Variants in DAB2IP observed in about 807,000 individuals in gnomAD.
DAB2IP encodes disabled homolog 2-interacting protein.
In DAB2IP, 28 loss-of-function variants were observed where a neutral mutation model predicts 107.2. That is an observed-to-expected ratio of 0.26 (90% CI 0.19 to 0.36). The LOEUF (loss-of-function observed/expected upper bound fraction) is 0.36. Among genes scored for constraint, DAB2IP ranks in the 10% least tolerant of loss-of-function variants. The probability of loss-of-function intolerance (pLI) is 1.00; values close to 1 mark genes in which losing one functional copy is unlikely to be tolerated. For synonymous variants in DAB2IP, 755 were observed against 706.4 expected, an observed-to-expected ratio of 1.07 and a Z score of -1.09; for missense variants, 1,400 against 1,644.7, an observed-to-expected ratio of 0.85 and a Z score of 2.57.
chr9:121,782,217 G>T lies in DAB2IP; in HGVS notation c.3403-114G>T, dbSNP rs1018123293. 4.0e-6 allele frequency: 6 copies of T among 1,497,252 alleles called. No individual in the cohort carries two copies. In the Admixed American group the frequency reaches 1.2e-4, roughly 31 times the overall value. The allele number at this position is 1,497,252 out of a possible 1,614,324, so 92.7% of individuals were successfully genotyped here. A position where few individuals can be genotyped will look rare whatever the true frequency, so the allele number is the denominator to read the frequency against. ...TCTTGCCAGCTGCTCACAGCCCGGA[G>T]CCTGCCTGCCACCCTCATCTCCAGG... On this transcript the variant is annotated intron_variant, in intron 15 of 15. Coordinates refer to ENST00000408936, the Ensembl canonical transcript of DAB2IP. This position sits in a 1 kb window ranked among gnomAD's most constrained non-coding sequence, Gnocchi z 6.1.
At chr9:121,700,571 G>C (rs146037777) in intron 3 of DAB2IP, among the ~76,000 whole-genome samples, 2 of 152,330 alleles carry the variant, frequency 1.3e-5, no homozygotes, top group East Asian at 3.9e-4. Flanking sequence ...CTGTAGGGGA[G>C]GCGTAGGTAG....
At chr9:121,661,784 A>G (rs1833217432) in intron 1 of DAB2IP, among the ~76,000 whole-genome samples, 1 of 152,318 alleles carries the variant, frequency 6.6e-6, no homozygotes, top group South Asian at 2.1e-4. Flanking sequence ...GAAGCTTGAG[A>G]CCAGCCTGGG....
intron 1 of DAB2IP, among the ~76,000 whole-genome samples, chr9:121,571,379 G>A (rs1040226552): frequency 1.3e-5 from 2 of 152,134 alleles, no homozygotes; most frequent in Non-Finnish European, 2.9e-5. Context: ...AATGCAGTTG[G>A]TGCAGGCAAA....
intron 1 of DAB2IP, among the ~76,000 whole-genome samples, chr9:121,603,934 CAG>C (rs1279872335): frequency 2.6e-5 from 4 of 152,126 alleles, no homozygotes; most frequent in African/African-American, 7.2e-5. Context: ...TGAAAGGGGC[CAG>C]AAAGGCTCTT....
intron 3 of DAB2IP, among the ~76,000 whole-genome samples, chr9:121,744,717 G>T (rs1428655940): frequency 6.6e-6 from 1 of 152,226 alleles, no homozygotes; most frequent in Non-Finnish European, 1.5e-5. Context: ...CAGGTGTCCT[G>T]TTCCACCCTT....
exon 1 of DAB2IP, chr9:121,567,163 G>C: frequency 6.2e-7 from 1 of 1,613,998 alleles, no homozygotes; most frequent in Admixed American, 1.7e-5. Flanking sequence ...AATCAGGTGG[G>C]GCCAGGGGCT....
chr9:121,678,840 G>C, intron 2 of DAB2IP, 59 bp downstream of exon 2: 5 of 1,449,728 alleles, frequency 3.4e-6, no homozygotes, highest in Non-Finnish European at 4.6e-6. Flanking sequence ...CCTCGCCCGG[G>C]GTGCTGCTCT....
chr9:121,741,874 A>G (rs545239627), intron 3 of DAB2IP, among the ~76,000 whole-genome samples: 5 of 151,310 alleles, frequency 3.3e-5, no homozygotes, highest in Admixed American at 6.6e-5. Flanking sequence ...TATTATGTCC[A>G]TTTTTGAGGA....
rs561552710 is a variant in DAB2IP, at chr9:121,774,285, C to T, written c.2993C>T (p.Ala998Val). 10 of 1,613,296 alleles carry T rather than the reference C, an allele frequency of 6.2e-6. No homozygotes were observed. The African/African-American group carries it at 1.3e-4, about 22-fold the overall frequency. ...GGCCCTTCACCTGTGAGCCCCAATGCCCTGGACCGCACAGCCGCTTGGCTC... is the reference window on the plus strand; with the variant it reads ...GGCCCTTCACCTGTGAGCCCCAATGTCCTGGACCGCACAGCCGCTTGGCTC... The change falls in exon 13 of 16, where the codon GCC becomes GTC. Residue 998 changes from alanine to valine, a missense_variant. By Grantham distance (64) the Ala-to-Val change is moderately conservative. Transcript: ENST00000408936.
chr9:121,742,208 A>T (rs886914199), intron 3 of DAB2IP, among the ~76,000 whole-genome samples: 5 of 152,172 alleles, frequency 3.3e-5, no homozygotes, highest in Non-Finnish European at 5.9e-5. Context: ...TGGGTGGATC[A>T]CCTGAGGTCA....
chr9:121,716,771 C>T (rs535627564), intron 3 of DAB2IP, among the ~76,000 whole-genome samples: 13 of 152,246 alleles, frequency 8.5e-5, no homozygotes, highest in African/African-American at 3.1e-4. Context: ...CCCAGATTGG[C>T]CAAAGACCAA....
chr9:121,726,013 C>A (rs989094379), intron 3 of DAB2IP, among the ~76,000 whole-genome samples: 2 of 152,166 alleles, frequency 1.3e-5, no homozygotes, highest in Non-Finnish European at 2.9e-5. Flanking sequence ...CTCCTGAAAT[C>A]CTTAGATTCT....
At chr9:121,644,762 C>G (rs1473278455) in intron 1 of DAB2IP, among the ~76,000 whole-genome samples, 5 of 152,198 alleles carry the variant, frequency 3.3e-5, no homozygotes, top group Non-Finnish European at 2.9e-5. Flanking sequence ...CCCTTTATAC[C>G]TTAGGAAATG....
At chr9:121,739,923 T>C (rs1832212578) in intron 3 of DAB2IP, among the ~76,000 whole-genome samples, 2 of 152,168 alleles carry the variant, frequency 1.3e-5, no homozygotes, top group Admixed American at 1.3e-4. Flanking sequence ...GCTAGCAGCC[T>C]GTGAGAACAG....
At chr9:121,767,070 A>G (rs1264418995) in intron 9 of DAB2IP, among the ~76,000 whole-genome samples, 1 of 152,246 alleles carries the variant, frequency 6.6e-6, no homozygotes, top group Admixed American at 6.5e-5. Context: ...ATAAATGACT[A>G]ATATTCCTCC....
exon 16 of DAB2IP, chr9:121,783,680 C>A: frequency 8.3e-7 from 1 of 1,204,644 alleles, no homozygotes; most frequent in Admixed American, 1.7e-5. Context: ...CTGCACCTGC[C>A]CCGTGTGTGT....
chr9:121,639,754 A>G (rs1832214115), intron 1 of DAB2IP, among the ~76,000 whole-genome samples: 1 of 152,210 alleles, frequency 6.6e-6, no homozygotes, highest in African/African-American at 2.4e-5. Context: ...TGGACAAAGC[A>G]GATTCAGGTC....
upstream of DAB2IP, chr9:121,651,554 C>T: frequency 3.0e-6 from 2 of 658,702 alleles, no homozygotes; most frequent in Non-Finnish European, 3.8e-6. The surrounding 1 kb of genome is among the most constrained non-coding windows in gnomAD (Gnocchi z 5.1). Context: ...GCCAGCCCGG[C>T]CTCCGGGTCC....
intron 1 of DAB2IP, among the ~76,000 whole-genome samples, chr9:121,604,584 T>C (rs1830802896): frequency 6.6e-6 from 1 of 152,200 alleles, no homozygotes; most frequent in Non-Finnish European, 1.5e-5. Context: ...AGAATGCCCT[T>C]TTCTCTCTGC....
Sources: allele counts gnomAD v4.1 joint callset (sites outside exome capture counted in the v4.1 genomes callset), GRCh38; gene constraint gnomAD v4.1.1; non-coding constraint Gnocchi (gnomAD v3.1); transcripts MANE v1.5; gene names NCBI Gene and HGNC (gene_info 2026-07-23, HGNC 2026-07-21).